Variants in EBF1 observed in about 807,000 individuals in gnomAD.
The protein encoded by EBF1 is EBF transcription factor 1.
EBF1 carries 10 observed loss-of-function variants against 68.4 expected under a neutral mutation model. That is an observed-to-expected ratio of 0.15 (90% CI 0.09 to 0.25). EBF1 has a LOEUF of 0.25. Among genes scored for constraint, EBF1 ranks in the 10% least tolerant of loss-of-function variants. The pLI is 1.00. For missense variants in EBF1, 509 were observed against 794.4 expected (o/e 0.64, Z 4.32); for synonymous variants, 298 against 299.8 (o/e 0.99, Z 0.06).
At chr5:158,730,122 G>A (rs1441329986) in intron 11 of EBF1, among the ~76,000 whole-genome samples, 1 of 152,234 alleles carries the variant, frequency 6.6e-6, no homozygotes, top group East Asian at 1.9e-4. Context: ...AAGAGTCCTT[G>A]AAACTACTAA....
At chr5:159,000,448 G>A (rs905835787) in intron 6 of EBF1, among the ~76,000 whole-genome samples, 1 of 150,878 alleles carries the variant, frequency 6.6e-6, no homozygotes, top group African/African-American at 2.5e-5. Flanking sequence ...GTTATTTTCT[G>A]TTTTGTTTTG....
chr5:159,026,568 A>G (rs375270914), intron 6 of EBF1, among the ~76,000 whole-genome samples: 1 of 152,152 alleles, frequency 6.6e-6, no homozygotes, highest in East Asian at 1.9e-4. Context: ...TGCTCTTACC[A>G]TCCCAACGAA....
At chr5:158,891,661 T>C (rs900113067) in intron 6 of EBF1, among the ~76,000 whole-genome samples, 2 of 152,168 alleles carry the variant, frequency 1.3e-5, no homozygotes, top group Non-Finnish European at 2.9e-5. Context: ...TGTGTGTAAA[T>C]TGTAAATTAC....
intron 6 of EBF1, among the ~76,000 whole-genome samples, chr5:159,046,968 G>T (rs73818926): frequency 6.6e-6 from 1 of 152,202 alleles, no homozygotes; most frequent in Non-Finnish European, 1.5e-5. Context: ...GACAGAATCC[G>T]TACCCTCCAC....
intron 6 of EBF1, among the ~76,000 whole-genome samples, chr5:159,046,774 C>T (rs541630547): frequency 6.6e-6 from 1 of 152,286 alleles, no homozygotes; most frequent in East Asian, 1.9e-4. Context: ...GCAGGATCAA[C>T]AGTGTTCTGA....
At chr5:158,962,905 A>T (rs892551192) in intron 6 of EBF1, among the ~76,000 whole-genome samples, 2 of 152,218 alleles carry the variant, frequency 1.3e-5, no homozygotes, top group African/African-American at 4.8e-5. Context: ...GTGACACCCC[A>T]GAGTGAGTTC....
intron 6 of EBF1, among the ~76,000 whole-genome samples, chr5:158,956,186 T>C (rs1817035913): frequency 1.3e-5 from 2 of 152,014 alleles, no homozygotes; most frequent in African/African-American, 2.4e-5. Context: ...AGTCTTGTAG[T>C]ACCAAGGAGG....
At chr5:158,921,099 G>A (rs776744041) in intron 6 of EBF1, among the ~76,000 whole-genome samples, 70 of 152,180 alleles carry the variant, frequency 4.6e-4, no homozygotes, top group Non-Finnish European at 9.3e-4. Flanking sequence ...TGCTGCACAC[G>A]TTTATGCGTT....
chr5:158,951,233 G>A (rs1252274817), intron 6 of EBF1, among the ~76,000 whole-genome samples: 2 of 152,164 alleles, frequency 1.3e-5, no homozygotes, highest in African/African-American at 2.4e-5. Flanking sequence ...TTGGCTGGGT[G>A]GGCCTGTGAT....
chr5:158,744,774 T>C (rs1404558634), intron 10 of EBF1, among the ~76,000 whole-genome samples: 1 of 152,206 alleles, frequency 6.6e-6, no homozygotes, highest in Non-Finnish European at 1.5e-5. Context: ...TTCAGATGCC[T>C]CAAGGCAAAA....
chr5:159,081,860 C>A (rs756275008), intron 5 of EBF1, among the ~76,000 whole-genome samples: 1 of 152,126 alleles, frequency 6.6e-6, no homozygotes, highest in Non-Finnish European at 1.5e-5. Flanking sequence ...ATTTTAAGAG[C>A]GTAGCCAACA....
chr5:159,099,447 C>T lies in EBF1; in HGVS notation c.32G>A (p.Ser11Asn). 6.3e-7 allele frequency: 1 copy of T among 1,597,804 alleles called. No individual in the cohort carries two copies. Among genetic ancestry groups the T allele is most frequent in the Non-Finnish European group, 8.5e-7 (1 of 1,172,572 alleles). Residue 11 changes from serine to asparagine, a missense_variant, in exon 1 of 16, where the codon AGT becomes AAT. Around this residue, in one of 3 missense-constraint regions of EBF1, gnomAD observed 74 missense variants for 79.4 expected, o/e 0.93. Transcript: ENST00000313708. ...CGGCTCTTCCTTCATGCTGCTTCCACTCCGTTGGATGCTTTCCTGAATCCC... is the reference window on the plus strand; with the variant it reads ...CGGCTCTTCCTTCATGCTGCTTCCATTCCGTTGGATGCTTTCCTGAATCCC... MFGIQESIQR[S>N]GSSMKEEPLG... is the part of the protein sequence containing the mutation.
chr5:159,043,961 T>A (rs1459813950), intron 6 of EBF1, among the ~76,000 whole-genome samples: 1 of 152,206 alleles, frequency 6.6e-6, no homozygotes, highest in Non-Finnish European at 1.5e-5. Context: ...GTGACCCTAA[T>A]TCACAGCAAG....
intron 10 of EBF1, among the ~76,000 whole-genome samples, chr5:158,771,205 C>A (rs981715985): frequency 1.3e-5 from 2 of 152,080 alleles, no homozygotes; most frequent in Admixed American, 1.3e-4. Context: ...AATATATATA[C>A]CCACTATCTG....
chr5:158,708,115 G>T lies in EBF1; in HGVS notation c.1608C>A (p.Ser536Arg), dbSNP rs147707162. The change falls in exon 15 of 16, where the codon AGC becomes AGA. Residue 536 changes from serine (S) to arginine (R), a missense_variant. By Grantham distance (110) the Ser-to-Arg change is moderately radical. Transcript: ENST00000313708. The part of the protein sequence containing the change: ...SSTSLPSNCS[S>R]SSGIFSFSPA... Reference sequence around the variant, plus strand: ...GTGAGAAGGAGAAGATGCCCGAGGAGCTGCTGCAGTTGGAGGGGAGGCTTG... The same window carrying T: ...GTGAGAAGGAGAAGATGCCCGAGGATCTGCTGCAGTTGGAGGGGAGGCTTG... 7 of 1,588,806 alleles carry T rather than the reference G, an allele frequency of 4.4e-6. No individual in the cohort carries two copies. In the African/African-American group the frequency reaches 9.4e-5, roughly 21 times the overall value.
intron 6 of EBF1, among the ~76,000 whole-genome samples, chr5:158,982,443 C>G (rs982691994): frequency 6.6e-6 from 1 of 152,030 alleles, no homozygotes; most frequent in Non-Finnish European, 1.5e-5. Context: ...TGTCAGGCAA[C>G]GAGGATATAA....
At chr5:158,849,178 T>C (rs1438403669) in intron 6 of EBF1, among the ~76,000 whole-genome samples, 1 of 152,232 alleles carries the variant, frequency 6.6e-6, no homozygotes, top group East Asian at 1.9e-4. Flanking sequence ...CCAAGGAAGA[T>C]TGAATACTTT....
intron 10 of EBF1, among the ~76,000 whole-genome samples, chr5:158,754,419 A>G (rs1040032480): frequency 6.6e-6 from 1 of 152,154 alleles, no homozygotes; most frequent in African/African-American, 2.4e-5. Context: ...CCCAGTGCTC[A>G]ACTGACAGTG....
At chr5:158,735,953 T>C (rs1014398860) in intron 10 of EBF1, among the ~76,000 whole-genome samples, 2 of 152,220 alleles carry the variant, frequency 1.3e-5, no homozygotes, top group East Asian at 1.9e-4. Flanking sequence ...AAATGCTATA[T>C]GCAAAGAAAA....
Sources: allele counts gnomAD v4.1 joint callset (sites outside exome capture counted in the v4.1 genomes callset), GRCh38; gene constraint gnomAD v4.1.1; regional missense constraint gnomAD v4.1.1; transcripts MANE v1.5; gene names NCBI Gene and HGNC (gene_info 2026-07-23, HGNC 2026-07-21).